Variants in NAXD observed in about 807,000 individuals in gnomAD.
The protein encoded by NAXD is ATP-dependent (S)-NAD(P)H-hydrate dehydratase.
Under a neutral mutation model 35.8 loss-of-function variants are expected in NAXD, and 22 were observed. The ratio of observed to expected loss-of-function variants is 0.62; its 90% CI spans 0.44 to 0.88. The LOEUF (loss-of-function observed/expected upper bound fraction) is 0.88. Among genes scored for constraint, NAXD ranks in the 40% least tolerant of loss-of-function variants. The pLI is 0.00. For synonymous variants in NAXD, 189 were observed against 177.6 expected (o/e 1.06, Z -0.51); for missense variants, 428 against 437.7 (o/e 0.98, Z 0.20).
chr13:110,626,573 AG>A (rs1314660642), intron 4 of NAXD, among the ~76,000 whole-genome samples: 1 of 46,532 alleles, frequency 2.1e-5, no homozygotes. Context: ...GGTTGGGGGC[AG>A]GGGGGACTTG....
At chr13:110,615,496 C>T (rs1886006259), upstream of NAXD, 4 of 1,091,560 alleles carry the variant, frequency 3.7e-6, no homozygotes, top group Middle Eastern at 2.1e-4. Flanking sequence ...GTTGGGATCC[C>T]ACTGCCGACA....
chr13:110,628,517 T>C lies in NAXD; in HGVS notation c.441+970T>C, dbSNP rs1431169959. On this transcript the variant is annotated intron_variant, in intron 5 of 9. Coordinates refer to ENST00000680254, the MANE Select transcript of NAXD (RefSeq NM_001242882.2). The surrounding 1 kb of genome is among the most constrained non-coding windows in gnomAD (Gnocchi z 4.1). ...GGCACTCTGTTGGGTGCTTAGTTAA[T>C]GGAGGGGTCTCTGAGGCTGCGGGGC... Among the ~76,000 whole-genome samples the C allele has an allele frequency of 6.6e-6, 1 of 152,152 alleles. No individual in the cohort carries two copies. The highest frequency in any genetic ancestry group is 1.5e-5 in the Non-Finnish European group (1 of 68,014).
chr13:110,619,924 G>A (rs1175903221), intron 1 of NAXD, among the ~76,000 whole-genome samples: 1 of 151,952 alleles, frequency 6.6e-6, no homozygotes, highest in Non-Finnish European at 1.5e-5. Flanking sequence ...TCAGCCTCCC[G>A]AGTAGCTGGA....
chr13:110,632,402 G>T (rs1293668925), intron 5 of NAXD, among the ~76,000 whole-genome samples: 1 of 152,188 alleles, frequency 6.6e-6, no homozygotes, highest in Non-Finnish European at 1.5e-5. Flanking sequence ...AGCGTGGAAG[G>T]GGACCCGAGC....
At chr13:110,634,935 G>A (rs1268826308) in intron 7 of NAXD, among the ~76,000 whole-genome samples, 159 bp downstream of exon 7, 1 of 152,192 alleles carries the variant, frequency 6.6e-6, no homozygotes, top group African/African-American at 2.4e-5. Flanking sequence ...CCATTAATGC[G>A]CTTGGATTGG....
intron 5 of NAXD, among the ~76,000 whole-genome samples, chr13:110,629,227 G>C (rs144046207): frequency 2.9e-4 from 44 of 152,330 alleles, no homozygotes; most frequent in African/African-American, 1.0e-3. Flanking sequence ...TCTGATGACA[G>C]ATTGAGTCCT....
intron 5 of NAXD, among the ~76,000 whole-genome samples, chr13:110,632,241 C>T (rs778261612): frequency 1.1e-4 from 17 of 151,780 alleles, no homozygotes; most frequent in Middle Eastern, 3.4e-3. Flanking sequence ...TGGAGTTGTT[C>T]GTTCCTCCCG....
chr13:110,619,198 A>G (rs1038194004), intron 1 of NAXD, among the ~76,000 whole-genome samples: 3 of 152,198 alleles, frequency 2.0e-5, no homozygotes, highest in African/African-American at 4.8e-5. Context: ...GGTTTATGGT[A>G]TTTGCCCTTT....
chr13:110,624,232 A>G lies in NAXD; in HGVS notation c.198-2A>G. On this transcript the variant is annotated splice_acceptor_variant, in intron 2 of 9. Transcript: ENST00000680254. LOFTEE classifies it high-confidence loss of function. ...TTTTGACTCTAAATACCTTCTTTTT[A>G]GGTACACTGGAGCCCCATATTTTGC... 3 of 1,600,934 alleles carry G rather than the reference A, an allele frequency of 1.9e-6. No individual in the cohort carries two copies. The highest frequency in any genetic ancestry group is 1.7e-6 in the Non-Finnish European group (2 of 1,169,746).
At chr13:110,624,081 T>C (rs57813755) in intron 2 of NAXD, among the ~76,000 whole-genome samples, 153 bp from the exon 3 acceptor site, 7,011 of 152,204 alleles carry the variant, frequency 0.046, 356 homozygotes, top group African/African-American at 0.13. Flanking sequence ...CTTTTAGGTG[T>C]TGGGTTTGTG....
At chr13:110,625,369 A>AT (rs1886430302) in intron 4 of NAXD, 91 bp downstream of exon 4, 3 of 830,370 alleles carry the variant, frequency 3.6e-6, no homozygotes, top group Non-Finnish European at 6.0e-6. Flanking sequence ...GTCCTGATGG[A>AT]TTTTCCATCC....
At chr13:110,625,113 G>A (rs1332679391) in intron 3 of NAXD, 77 bp from the exon 4 acceptor site, 5 of 1,036,362 alleles carry the variant, frequency 4.8e-6, no homozygotes, top group East Asian at 4.8e-5. Context: ...AGTAATGAGC[G>A]CTGGACGCCT....
In NAXD at chr13:110,638,352, A is replaced by G. The variant is rs1447082186; in HGVS notation, c.840-26A>G. The G allele has an allele frequency of 1.9e-6, 3 of 1,613,304 alleles. No homozygotes were observed. Among genetic ancestry groups the G allele is most frequent in the Non-Finnish European group, 2.5e-6 (3 of 1,179,856 alleles). ...CGGACCACGACGCCCACTTCCCCAC[A>G]CCTCCTGCTGTCCCCCTCTCCGCAG... On this transcript the variant is annotated intron_variant, in intron 9 of 9. Transcript: ENST00000680254. The surrounding 1 kb of genome is among the most constrained non-coding windows in gnomAD (Gnocchi z 5.4).
In NAXD at chr13:110,635,583, A is replaced by G. The variant is rs368923008; in HGVS notation, c.713A>G (p.Gln238Arg). 6.2e-7 allele frequency: 1 copy of G among 1,613,996 alleles called. No individual in the cohort carries two copies. The highest frequency in any genetic ancestry group is 8.5e-7 in the Non-Finnish European group (1 of 1,179,992). ...KGERDILSNG[Q>R]QVLVCSQEGS... ...GAGCGCGACATCCTCTCCAACGGCC[A>G]GCAGGGTGAGTGGCGGCTGCCCTCT... is the stretch of plus-strand genomic sequence containing the variant. The change falls in exon 8 of 10, where the codon CAG becomes CGG. Residue 238 changes from glutamine to arginine, a missense_variant. Physicochemically the swap from Gln to Arg is conservative, Grantham distance 43. Around this residue, in one of 3 missense-constraint regions of NAXD, gnomAD observed 209 missense variants for 214.6 expected, o/e 0.97. Coordinates refer to ENST00000680254, the MANE Select transcript of NAXD (RefSeq NM_001242882.2).
chr13:110,615,738 G>A, intron 1 of NAXD, 91 bp downstream of exon 1: 1 of 1,493,488 alleles, frequency 6.7e-7, no homozygotes, highest in Non-Finnish European at 8.9e-7. Flanking sequence ...ATTGCTCTCG[G>A]CCGCACTCGC....
intron 7 of NAXD, 52 bp from the exon 8 acceptor site, chr13:110,635,416 C>T (rs1266278888): frequency 1.5e-5 from 24 of 1,595,940 alleles, no homozygotes; most frequent in Middle Eastern, 1.7e-4. Flanking sequence ...TATCTGTCGT[C>T]GTGTGTCTGA....
Position 110,639,413 on chromosome 13 carries a change from T to A in NAXD, c.*885T>A, listed in dbSNP as rs1887083259. ...GCTGGGCCTGGTGCAGTGATGGCGC[T>A]AAGGAGACCCGGGGAAAGACAGTAT... On this transcript the variant is annotated 3_prime_UTR_variant, in exon 10 of 10. Coordinates refer to ENST00000680254, the MANE Select transcript of NAXD (RefSeq NM_001242882.2). 1 of 152,738 alleles carries A rather than the reference T, an allele frequency of 6.5e-6. No homozygotes were observed. The highest frequency in any genetic ancestry group is 1.5e-5 in the Non-Finnish European group (1 of 68,502). 9.5% of individuals were successfully genotyped at this position (152,738 alleles called of 1,614,324 possible). A position where few individuals can be genotyped will look rare whatever the true frequency, so the allele number is the denominator to read the frequency against.
In NAXD at chr13:110,622,281, C is replaced by G; in HGVS notation, c.112C>G (p.Leu38Val). The G allele has an allele frequency of 1.2e-6, 2 of 1,614,080 alleles. No individual in the cohort carries two copies. The highest frequency in any genetic ancestry group is 1.7e-6 in the Non-Finnish European group (2 of 1,179,952). Residue 38 changes from leucine to valine, a missense_variant, in exon 2 of 10, where the codon CTG becomes GTG. Leu to Val is a conservative substitution (Grantham distance 32). Coordinates refer to ENST00000680254, the MANE Select transcript of NAXD (RefSeq NM_001242882.2). Reference protein sequence around the residue: ...SIKDMENTLQLVRNIIPPLSS... With the variant: ...SIKDMENTLQVVRNIIPPLSS... ...AAAGGATATGGAAAATACTTTGCAG[C>G]TGGTGAGAAATATCATACCTCCTCT...
chr13:110,627,957 G>C (rs1886558126), intron 5 of NAXD, among the ~76,000 whole-genome samples: 1 of 152,188 alleles, frequency 6.6e-6, no homozygotes, highest in Non-Finnish European at 1.5e-5. Context: ...CACAGCCCTG[G>C]CGCCATGCTC....
Sources: allele counts gnomAD v4.1 joint callset (sites outside exome capture counted in the v4.1 genomes callset), GRCh38; gene constraint gnomAD v4.1.1; regional missense constraint gnomAD v4.1.1; non-coding constraint Gnocchi (gnomAD v3.1); transcripts MANE v1.5; gene names NCBI Gene and HGNC (gene_info 2026-07-23, HGNC 2026-07-21).